MSH4: variants seen among roughly 807,000 people sequenced by gnomAD.
MSH4 encodes the protein mutS homolog 4, also known as mutS protein homolog 4.
MSH4 carries 106 observed loss-of-function variants against 113.7 expected under a neutral mutation model. That is an observed-to-expected ratio of 0.93 (90% CI 0.80 to 1.10). The LOEUF (loss-of-function observed/expected upper bound fraction) is 1.10. MSH4 is among the 50% of genes least tolerant of loss of function. The probability of loss-of-function intolerance (pLI) is 0.00; values close to 1 mark genes in which losing one functional copy is unlikely to be tolerated. For synonymous variants in MSH4, 368 were observed against 380.2 expected (o/e 0.97, Z 0.37); for missense variants, 1,061 against 1,093.7 (o/e 0.97, Z 0.42).
At chr1:75,840,490 A>AG (rs1376673940) in intron 7 of MSH4, among the ~76,000 whole-genome samples, 6 of 125,260 alleles carry the variant, frequency 4.8e-5, no homozygotes, top group African/African-American at 1.9e-4. Flanking sequence ...GGACACAGGA[A>AG]GGGGAACATC....
chr1:75,906,933 G>A lies in MSH4; in HGVS notation c.2620-5763G>A, dbSNP rs577667561. 9.3e-5 allele frequency among the ~76,000 whole-genome samples: 14 copies of A among 150,620 alleles called. No individual in the cohort carries two copies. The South Asian group carries it at 1.3e-3, about 14-fold the overall frequency. ...ACTGCAAGCTCTGCCTCCTGGGTTCGCACCATTCTCCTGCCTCAGCCTCCT... is the reference window on the plus strand; with the variant it reads ...ACTGCAAGCTCTGCCTCCTGGGTTCACACCATTCTCCTGCCTCAGCCTCCT... On this transcript the variant is annotated intron_variant, in intron 19 of 19. Transcript: ENST00000263187.
intron 19 of MSH4, among the ~76,000 whole-genome samples, chr1:75,904,146 T>C (rs1322191118): frequency 6.6e-6 from 1 of 152,196 alleles, no homozygotes; most frequent in Non-Finnish European, 1.5e-5. Context: ...TCCTTGATTC[T>C]GTTAATATGA....
At chr1:75,825,069 C>T (rs1022680270) in intron 7 of MSH4, among the ~76,000 whole-genome samples, 1 of 151,938 alleles carries the variant, frequency 6.6e-6, no homozygotes, top group African/African-American at 2.4e-5. Flanking sequence ...TGGCCATTTT[C>T]ACAATATTGA....
At chr1:75,880,020 C>G (rs1397166352) in intron 12 of MSH4, 30 bp from the exon 13 acceptor site, 1 of 1,114,720 alleles carries the variant, frequency 9.0e-7, no homozygotes, top group South Asian at 1.3e-5. Context: ...GTGCATTTAT[C>G]TTGACATTTG....
At chr1:75,802,474 A>C (rs1407670486) in intron 1 of MSH4, among the ~76,000 whole-genome samples, 1 of 152,240 alleles carries the variant, frequency 6.6e-6, no homozygotes, top group African/African-American at 2.4e-5. Flanking sequence ...AACAGAGCCC[A>C]AACATTTTAA....
chr1:75,866,463 A>G (rs1028947791), intron 8 of MSH4, among the ~76,000 whole-genome samples: 2 of 152,152 alleles, frequency 1.3e-5, no homozygotes, highest in African/African-American at 2.4e-5. Flanking sequence ...TGCACCTAGC[A>G]TGAATTATTC....
chr1:75,893,074 C>T (rs1435073820), intron 17 of MSH4, among the ~76,000 whole-genome samples: 2 of 152,202 alleles, frequency 1.3e-5, no homozygotes, highest in Non-Finnish European at 2.9e-5. Context: ...AGGAAATGTG[C>T]ATCACTTCCT....
chr1:75,817,404 T>C (rs1455967413), intron 6 of MSH4, among the ~76,000 whole-genome samples: 1 of 152,192 alleles, frequency 6.6e-6, no homozygotes, highest in Non-Finnish European at 1.5e-5. Context: ...TATCCTATGT[T>C]ATCATGGCAT....
At position 75,797,140 on chromosome 1, in the gene MSH4, C is replaced by T. The variant is rs1649832839; in HGVS notation, c.155C>T (p.Thr52Ile). ...TCGGTCCAGGTGGTCTCTGCATCCACCTGTCCTGGCACGTCAGGAGCTGCG... is the reference window on the plus strand; with the variant it reads ...TCGGTCCAGGTGGTCTCTGCATCCATCTGTCCTGGCACGTCAGGAGCTGCG... ...RPSVQVVSAS[T>I]CPGTSGAAGD... Residue 52 changes from threonine (T) to isoleucine (I), a missense_variant, in exon 1 of 20, where the codon ACC becomes ATC. Physicochemically the swap from Thr to Ile is moderately conservative, Grantham distance 89 (BLOSUM62 -1). Coordinates refer to ENST00000263187, the MANE Select transcript of MSH4 (RefSeq NM_002440.4). 6.2e-7 allele frequency: 1 copy of T among 1,613,734 alleles called. No individual in the cohort carries two copies. Among genetic ancestry groups the T allele is most frequent in the African/African-American group, 1.3e-5 (1 of 75,052 alleles).
intron 7 of MSH4, among the ~76,000 whole-genome samples, chr1:75,843,977 A>G (rs1477501358): frequency 1.3e-5 from 2 of 151,836 alleles, no homozygotes; most frequent in Admixed American, 6.6e-5. Flanking sequence ...ATGCCTGGCT[A>G]ATTTTGTAGT....
At chr1:75,901,027 C>A (rs1335083370) in intron 19 of MSH4, among the ~76,000 whole-genome samples, 1 of 151,766 alleles carries the variant, frequency 6.6e-6, no homozygotes, top group Admixed American at 6.6e-5. Context: ...TGATTTTTTT[C>A]TTTTTTTAAT....
At chr1:75,819,029 G>C (rs1026002278) in intron 6 of MSH4, among the ~76,000 whole-genome samples, 3 of 152,056 alleles carry the variant, frequency 2.0e-5, no homozygotes, top group Non-Finnish European at 4.4e-5. Flanking sequence ...GCCTCCTAAA[G>C]TGCTGGGATT....
At chr1:75,869,121 A>G (rs1651654184) in intron 9 of MSH4, among the ~76,000 whole-genome samples, 1 of 152,180 alleles carries the variant, frequency 6.6e-6, no homozygotes, top group African/African-American at 2.4e-5. Context: ...TTATAGGGAT[A>G]GTAAGGTCCA....
intron 8 of MSH4, among the ~76,000 whole-genome samples, chr1:75,850,381 A>G (rs943295384): frequency 6.6e-6 from 1 of 152,110 alleles, no homozygotes; most frequent in African/African-American, 2.4e-5. Flanking sequence ...AGGTCAAAAC[A>G]CTTTCTAATT....
At chr1:75,859,148 C>G (rs1236257158) in intron 8 of MSH4, among the ~76,000 whole-genome samples, 1 of 152,106 alleles carries the variant, frequency 6.6e-6, no homozygotes, top group Non-Finnish European at 1.5e-5. Flanking sequence ...TTTGATTCTT[C>G]TCTCTTTTAT....
chr1:75,806,210 A>C (rs1210283042), intron 2 of MSH4, among the ~76,000 whole-genome samples: 2 of 148,688 alleles, frequency 1.3e-5, no homozygotes, highest in African/African-American at 4.9e-5. Context: ...CTGAGTAATA[A>C]ATATTTTGAT....
At chr1:75,870,840 T>C (rs1262962374) in intron 9 of MSH4, among the ~76,000 whole-genome samples, 2 of 152,226 alleles carry the variant, frequency 1.3e-5, no homozygotes, top group African/African-American at 4.8e-5. Context: ...CAAAAATGTT[T>C]TCACCTTTCT....
chr1:75,880,427 C>T lies in MSH4; in HGVS notation c.1781+274C>T, dbSNP rs185883077. 6.6e-5 allele frequency among the ~76,000 whole-genome samples: 10 copies of T among 152,134 alleles called. No individual in the cohort carries two copies. The East Asian group carries it at 1.7e-3, about 26-fold the overall frequency. On this transcript the variant is annotated intron_variant, in intron 13 of 19. Transcript: ENST00000263187. Reference sequence around the variant, plus strand: ...GCACATCAGGGGCTTACCTGGGCTTCGTTCAGTTTATTATTTTCCTATGGT... The same window carrying T: ...GCACATCAGGGGCTTACCTGGGCTTTGTTCAGTTTATTATTTTCCTATGGT...
intron 4 of MSH4, 50 bp from the exon 5 acceptor site, chr1:75,814,971 C>T (rs750708749): frequency 2.8e-6 from 3 of 1,086,092 alleles, no homozygotes; most frequent in East Asian, 4.9e-5. Context: ...CAGTTTTGGG[C>T]AAGCGCATGG....
Sources: gnomAD v4.1 joint callset for allele counts (sites outside exome capture counted in the v4.1 genomes callset) on GRCh38, gnomAD v4.1.1 for gene constraint, MANE v1.5 for transcripts, NCBI Gene and HGNC (gene_info 2026-07-23, HGNC 2026-07-21) for gene names.